PABIR3: variants seen among roughly 807,000 people sequenced by gnomAD.
PABIR3 encodes the protein PABIR family member 3, also known as PABIR family member 1.
PABIR3 carries 20 observed loss-of-function variants against 23.1 expected under a neutral mutation model. That is an observed-to-expected ratio of 0.86 (90% confidence interval 0.61 to 1.26). The LOEUF is 1.26. Ranked by LOEUF, PABIR3 falls within the 50% of genes most tolerant of loss-of-function variation. The probability of loss-of-function intolerance (pLI) is 0.00; values close to 1 mark genes in which losing one functional copy is unlikely to be tolerated. For synonymous variants in PABIR3, 69 were observed against 68.5 expected, an observed-to-expected ratio of 1.01 and a Z score of -0.04; for missense variants, 189 against 195.4, an observed-to-expected ratio of 0.97 and a Z score of 0.20.
intron 9 of PABIR3, among the ~76,000 whole-genome samples, chrX:134,851,527 C>T (rs1437626654): frequency 5.7e-5 from 6 of 104,613 alleles, no homozygotes; most frequent in African/African-American, 2.1e-4. Context: ...CAGAGTAAGA[C>T]TCTGTCTGGA....
chrX:134,818,753 C>T (rs1004498341), intron 3 of PABIR3, among the ~76,000 whole-genome samples: 1 of 110,297 alleles, frequency 9.1e-6, no homozygotes, highest in African/African-American at 3.3e-5. Flanking sequence ...TGTGGATTAC[C>T]TTGGTCAGTA....
intron 6 of PABIR3, 25 bp from the exon 7 acceptor site, chrX:134,847,358 T>G: frequency 8.8e-7 from 1 of 1,140,522 alleles, no homozygotes; most frequent in Non-Finnish European, 1.2e-6. Flanking sequence ...GTGCTACAAT[T>G]GTACACTGCT....
the PABIR3 span, among the ~76,000 whole-genome samples, chrX:134,863,568 T>C: frequency 1.8e-5 from 2 of 111,731 alleles, no homozygotes; most frequent in African/African-American, 6.5e-5. Flanking sequence ...TTTCTGGCTT[T>C]TGATCAACAT....
chrX:134,811,150 A>G (rs1308175796), intron 2 of PABIR3: 2 of 748,666 alleles, frequency 2.7e-6, no homozygotes, highest in African/African-American at 2.3e-5. Flanking sequence ...TGTTTTATGT[A>G]TATCTTGAAC....
intron 8 of PABIR3, 97 bp downstream of exon 8, chrX:134,848,068 G>T: frequency 1.4e-6 from 1 of 726,039 alleles, no homozygotes; most frequent in Non-Finnish European, 2.0e-6. Flanking sequence ...GCCAACCAAA[G>T]AAGTGACTTC....
chrX:134,820,194 A>G (rs1353541193), intron 3 of PABIR3, among the ~76,000 whole-genome samples: 1 of 111,904 alleles, frequency 8.9e-6, no homozygotes. Context: ...TATCTTTAGT[A>G]GATATCTCTG....
chrX:134,796,481 G>A, upstream of PABIR3: 1 of 308,271 alleles, frequency 3.2e-6, no homozygotes, highest in East Asian at 5.5e-5. Context: ...GAAGGAAAAG[G>A]ATGAAGGAAA....
At chrX:134,807,892 G>A (rs1169482243) in intron 2 of PABIR3, among the ~76,000 whole-genome samples, 184 bp downstream of exon 2, 3 of 111,211 alleles carry the variant, frequency 2.7e-5, no homozygotes, top group Non-Finnish European at 5.7e-5. Context: ...GACCTGAGGG[G>A]GAGCGCGCAC....
At chrX:134,856,977 A>T, downstream of PABIR3, among the ~76,000 whole-genome samples, 1 of 110,486 alleles carries the variant, frequency 9.1e-6, no homozygotes, top group East Asian at 2.8e-4. Context: ...ACGCCACTGC[A>T]CTCTAGCCTG....
At chrX:134,842,334 C>T (rs996876476) in intron 4 of PABIR3, among the ~76,000 whole-genome samples, 3 of 111,776 alleles carry the variant, frequency 2.7e-5, no homozygotes, top group Non-Finnish European at 1.9e-5. Context: ...TTTCTCTGGG[C>T]GCGGTGGCTC....
At chrX:134,863,641 C>T in the PABIR3 span, among the ~76,000 whole-genome samples, 2 of 111,408 alleles carry the variant, frequency 1.8e-5, no homozygotes, top group Non-Finnish European at 3.8e-5. Flanking sequence ...CTGAGAGGCA[C>T]CCCACAAGAT....
At chrX:134,805,336 C>G (rs1005405096), upstream of PABIR3, among the ~76,000 whole-genome samples, 2 of 111,845 alleles carry the variant, frequency 1.8e-5, no homozygotes, top group African/African-American at 6.5e-5. Flanking sequence ...ATAGTAAGTG[C>G]CCAACAAACG....
At chrX:134,797,048 G>C (rs937011920) in intron 1 of PABIR3, 1 of 114,140 alleles carries the variant, frequency 8.8e-6, no homozygotes, top group Non-Finnish European at 1.9e-5. Flanking sequence ...CCGCCGCCGC[G>C]GTGCCTCCTC....
At chrX:134,848,073 G>A in intron 8 of PABIR3, 102 bp downstream of exon 8, 1 of 698,554 alleles carries the variant, frequency 1.4e-6, no homozygotes, top group Admixed American at 3.2e-5. Flanking sequence ...CCAAAGAAGT[G>A]ACTTCTTTTT....
Position 134,854,189 on chromosome X carries a change from C to T in PABIR3, c.785C>T (p.Pro262Leu), listed in dbSNP as rs769932881. 5 of 1,208,354 alleles carry T rather than the reference C, an allele frequency of 4.1e-6. No individual in the cohort carries two copies. Among genetic ancestry groups the T allele is most frequent in the African/African-American group, 1.8e-5 (1 of 57,099 alleles). ...IGTVTNSPVS[P>L]SDTGSHLF ...ACTGTCACAAACTCTCCTGTGTCAC[C>T]TTCTGATACTGGTTCTCATTTGTTC... is the stretch of plus-strand genomic sequence containing the variant. The change falls in exon 11 of 11, where the codon CCT (proline) becomes CTT (leucine). Residue 262 changes from proline to leucine, a missense_variant. Pro to Leu is a moderately conservative substitution (Grantham distance 98, BLOSUM62 -3). Transcript: ENST00000645433.
At chrX:134,809,377 G>A (rs940022813) in intron 2 of PABIR3, 1 of 260,455 alleles carries the variant, frequency 3.8e-6, no homozygotes, top group South Asian at 1.8e-4. Context: ...GTGTTAGCCA[G>A]GATGGTCTTG....
intron 10 of PABIR3, among the ~76,000 whole-genome samples, chrX:134,853,710 C>G (rs2082713531): frequency 9.1e-6 from 1 of 110,057 alleles, no homozygotes. Context: ...ACCTCTACCT[C>G]CTGGGTTCAA....
chrX:134,827,325 G>T (rs1046483651), intron 3 of PABIR3, among the ~76,000 whole-genome samples: 3 of 110,844 alleles, frequency 2.7e-5, no homozygotes, highest in Non-Finnish European at 5.7e-5. Context: ...TCCTCTTACT[G>T]CCTTTCATGG....
At chrX:134,797,831 T>A (rs1479114968) in intron 1 of PABIR3, among the ~76,000 whole-genome samples, 3 of 106,475 alleles carry the variant, frequency 2.8e-5, no homozygotes, top group Non-Finnish European at 5.8e-5. Flanking sequence ...TTTTTTTTTT[T>A]TAAACAGAGT....
Sources: gnomAD v4.1 joint callset for allele counts (sites outside exome capture counted in the v4.1 genomes callset) on GRCh38, gnomAD v4.1.1 for gene constraint, MANE v1.5 for transcripts, NCBI Gene and HGNC (gene_info 2026-07-23, HGNC 2026-07-21) for gene names.